The following TBCE variants were observed in gnomAD, a reference collection of about 807,000 sequenced individuals.
TBCE encodes the protein tubulin-specific chaperone E.
Under a neutral mutation model 77.0 loss-of-function variants are expected in TBCE, and 53 were observed. That is an observed-to-expected ratio of 0.69 (90% confidence interval 0.55 to 0.87). The LOEUF (loss-of-function observed/expected upper bound fraction) is 0.87, where lower values mean the gene tolerates loss of function less well. Among genes scored for constraint, TBCE ranks in the 40% least tolerant of loss-of-function variants. The pLI, the probability that TBCE is intolerant of heterozygous loss-of-function variation, is 0.00. For synonymous variants in TBCE, 235 were observed against 241.3 expected (o/e 0.97, Z 0.24); for missense variants, 624 against 622.4 (o/e 1.00, Z -0.03).
chr1:235,390,571 G>T (rs1370512960), intron 2 of TBCE, among the ~76,000 whole-genome samples: 1 of 152,038 alleles, frequency 6.6e-6, no homozygotes, highest in Admixed American at 6.6e-5. Context: ...GACCAACATG[G>T]TGAAACCCTG....
chr1:235,430,214 A>G (rs1480356621), intron 6 of TBCE: 2 of 156,230 alleles, frequency 1.3e-5, no homozygotes, highest in African/African-American at 4.8e-5. Flanking sequence ...TCAGGATTGA[A>G]TACTTTCTGA....
intron 11 of TBCE, 113 bp from the exon 12 acceptor site, chr1:235,437,209 A>T (rs1681517743): frequency 7.6e-7 from 1 of 1,321,974 alleles, no homozygotes. Context: ...GCATGATGAA[A>T]TTCCCTGCCT....
chr1:235,427,181 T>A lies in TBCE; in HGVS notation c.502T>A (p.Trp168Arg), dbSNP rs762529448. ...TTTGTCAAAAAACCTGTTGTCATCA[T>A]GGGATGAAGTGATACACATTGCTGA... is the stretch of plus-strand genomic sequence containing the variant. ...VDLSKNLLSS[W>R]DEVIHIADQL... is the part of the protein sequence containing the mutation. Residue 168 changes from tryptophan (W) to arginine (R), a missense_variant, in exon 6 of 17, where the codon TGG becomes AGG. By Grantham distance (101) the Trp-to-Arg change is moderately radical. Transcript: ENST00000642610. 6.2e-7 allele frequency: 1 copy of A among 1,614,078 alleles called. No individual in the cohort carries two copies. Among genetic ancestry groups the A allele is most frequent in the Non-Finnish European group, 8.5e-7 (1 of 1,179,978 alleles).
chr1:235,448,004 T>A (rs890331096), intron 15 of TBCE, among the ~76,000 whole-genome samples: 5 of 151,112 alleles, frequency 3.3e-5, no homozygotes, highest in South Asian at 2.1e-4. Context: ...AGGTCAGGAG[T>A]TCAAGACCAG....
intron 6 of TBCE, chr1:235,430,285 G>C (rs937481388): frequency 6.0e-6 from 1 of 165,336 alleles, no homozygotes; most frequent in Non-Finnish European, 1.3e-5. Context: ...ATAGCCAAAG[G>C]GCAGACTCTA....
At chr1:235,422,360 A>C (rs995481046) in intron 5 of TBCE, among the ~76,000 whole-genome samples, 1 of 151,686 alleles carries the variant, frequency 6.6e-6, no homozygotes, top group African/African-American at 2.4e-5. Flanking sequence ...AAAAATACAA[A>C]AAATTAACTG....
Position 235,448,439 on chromosome 1 carries a change from A to G in TBCE, c.1490A>G (p.Lys497Arg). ...CTTCTGTTGTCCTATGAAAGTCCCA[A>G]AGTAAGTTGCCCAGCAAAATACAAA... is the stretch of plus-strand genomic sequence containing the variant. Reference protein sequence around the residue: ...SDLLLSYESPKKPGREIELEN... With the variant: ...SDLLLSYESPRKPGREIELEN... The change falls in exon 16 of 17, where the codon AAA (lysine) becomes AGA (arginine). Residue 497 changes from lysine (K) to arginine (R), a missense_variant and splice_region_variant. By Grantham distance (26) the Lys-to-Arg change is conservative (BLOSUM62 2). Transcript: ENST00000642610. The G allele has an allele frequency of 1.9e-6, 3 of 1,614,032 alleles. No homozygotes were observed. Among genetic ancestry groups the G allele is most frequent in the Non-Finnish European group, 2.5e-6 (3 of 1,179,910 alleles).
At chr1:235,394,113 C>G (rs1426987124) in intron 2 of TBCE, among the ~76,000 whole-genome samples, 3 of 152,108 alleles carry the variant, frequency 2.0e-5, no homozygotes, top group Non-Finnish European at 2.9e-5. Flanking sequence ...CTCGCTCTGT[C>G]GCTCAGGCTG....
Position 235,394,326 on chromosome 1 carries a change from G to A in TBCE, c.101-7177G>A, listed in dbSNP as rs192492143. ...CCTGACCTCGTGATCCACCTGCCTC[G>A]GCCTCCCAAAATGCTGGGATTACAG... On this transcript the variant is annotated intron_variant, in intron 2 of 16. Transcript: ENST00000642610. Among the ~76,000 whole-genome samples, 28 of 151,642 alleles carry A rather than the reference G, an allele frequency of 1.8e-4. No homozygotes were observed. In the East Asian group the frequency reaches 4.7e-3, roughly 25 times the overall value.
At position 235,414,460 on chromosome 1, in the gene TBCE, T is replaced by C; in HGVS notation, c.213T>C (p.Arg71=). Residue 71 remains arginine, a synonymous_variant, in exon 4 of 17, where the codon CGT becomes CGC. Coordinates refer to ENST00000642610, the MANE Select transcript of TBCE (RefSeq NM_003193.5). ...ACCCGACAGGAGGATCCTTTATTCG[T>C]CCGAACAAGGTAAATTTTGGAACAG... ...CRHPTGGSFI[R]PNKVNFGTDF... The C allele has an allele frequency of 1.2e-6, 2 of 1,613,874 alleles. No homozygotes were observed. The highest frequency in any genetic ancestry group is 1.7e-6 in the Non-Finnish European group (2 of 1,179,992).
chr1:235,403,998 G>T lies in TBCE; in HGVS notation c.185+2411G>T, dbSNP rs926777446. Among the ~76,000 whole-genome samples, 4 of 152,138 alleles carry T rather than the reference G, an allele frequency of 2.6e-5. No homozygotes were observed. In the South Asian group the frequency reaches 6.2e-4, roughly 24 times the overall value. ...AAGGTACAGTAAAAATAAAAAATTG[G>T]CCGGGTGCGTTGGCTCACGCCTGTA... On this transcript the variant is annotated intron_variant, in intron 3 of 16. Transcript: ENST00000642610.
At chr1:235,447,521 C>A (rs555667689) in intron 15 of TBCE, among the ~76,000 whole-genome samples, 123 of 152,230 alleles carry the variant, frequency 8.1e-4, no homozygotes, top group African/African-American at 2.8e-3. Context: ...TACAGTTACA[C>A]ATGATGTAAT....
chr1:235,448,256 C>T (rs1039290570), intron 15 of TBCE, 93 bp from the exon 16 acceptor site: 5 of 787,610 alleles, frequency 6.3e-6, no homozygotes, highest in Non-Finnish European at 8.9e-6. Flanking sequence ...ATACAGCTAT[C>T]ATTGCAATGA....
intron 1 of TBCE, among the ~76,000 whole-genome samples, chr1:235,370,823 C>G (rs1362740337): frequency 6.7e-6 from 1 of 149,378 alleles, no homozygotes; most frequent in Admixed American, 6.7e-5. Context: ...CTCACTGCAA[C>G]CTCCGCCTCC....
At chr1:235,436,654 A>C in intron 11 of TBCE, 46 bp downstream of exon 11, 1 of 1,540,854 alleles carries the variant, frequency 6.5e-7, no homozygotes, top group Middle Eastern at 1.7e-4. Flanking sequence ...GCCTCTTTCC[A>C]CTCTCATGGC....
intron 2 of TBCE, among the ~76,000 whole-genome samples, chr1:235,386,432 A>G (rs1247182612): frequency 6.6e-6 from 1 of 152,200 alleles, no homozygotes; most frequent in Non-Finnish European, 1.5e-5. Context: ...ACTTTCAGGT[A>G]CACCAATCAG....
At chr1:235,443,150 GC>G (rs1288434415) in intron 15 of TBCE, among the ~76,000 whole-genome samples, 1 of 150,952 alleles carries the variant, frequency 6.6e-6, no homozygotes, top group Non-Finnish European at 1.5e-5. Flanking sequence ...AAAATTGGAA[GC>G]CCCTGCATAT....
chr1:235,435,107 G>T lies in TBCE; in HGVS notation c.738-638G>T, dbSNP rs925577769. On this transcript the variant is annotated intron_variant, in intron 8 of 16. Transcript: ENST00000642610. ...TAGGCAAATGCAGGTTTTTTGTTTTGTTTTTTTTTTGAGATAGAGTTTCAT... is the reference window on the plus strand; with the variant it reads ...TAGGCAAATGCAGGTTTTTTGTTTTTTTTTTTTTTTGAGATAGAGTTTCAT... Among the ~76,000 whole-genome samples the T allele has an allele frequency of 1.9e-4, 27 of 142,596 alleles. No individual in the cohort carries two copies. In the East Asian group the frequency reaches 4.4e-3, roughly 23 times the overall value. 93.5% of individuals were successfully genotyped at this position (142,596 alleles called of 152,430 possible).
In TBCE at chr1:235,419,260, G is replaced by A. The variant is rs891916420; in HGVS notation, c.372-213G>A. On this transcript the variant is annotated intron_variant, in intron 4 of 16. Coordinates refer to ENST00000642610, the MANE Select transcript of TBCE (RefSeq NM_003193.5). ...GAGTAGAGGGAGAATTGTGTTTGGA[G>A]AGGGCCCCAGAGGACTTCAGTTGCA... The A allele has an allele frequency of 5.1e-5, 34 of 661,016 alleles. No individual in the cohort carries two copies. The Middle Eastern group carries it at 1.2e-3, about 24-fold the overall frequency. 40.9% of individuals were successfully genotyped at this position (661,016 alleles called of 1,614,324 possible).
Sources: gnomAD v4.1 joint callset for allele counts (sites outside exome capture counted in the v4.1 genomes callset) on GRCh38, gnomAD v4.1.1 for gene constraint, MANE v1.5 for transcripts, NCBI Gene and HGNC (gene_info 2026-07-23, HGNC 2026-07-21) for gene names.